Variants in MUC5AC observed in about 807,000 individuals in gnomAD.
MUC5AC encodes the protein mucin 5AC, oligomeric mucus/gel-forming.
MUC5AC carries 158 observed loss-of-function variants against 169.7 expected under a neutral mutation model. The observed-to-expected ratio is 0.93, with a 90% CI of 0.82 to 1.06. The LOEUF is 1.06. Ranked by LOEUF, MUC5AC falls within the 50% of genes least tolerant of loss-of-function variation. The pLI, the probability that MUC5AC is intolerant of heterozygous loss-of-function variation, is 0.00. For missense variants in MUC5AC, 4,359 were observed against 3,089.9 expected, an observed-to-expected ratio of 1.41 and a Z score of -9.74; for synonymous variants, 1,975 against 1,237.0, an observed-to-expected ratio of 1.60 and a Z score of -12.52.
rs202098032 is a variant in MUC5AC at position 1,192,417 on chromosome 11, G to A, written c.14272G>A (p.Ala4758Thr). 1.8e-5 allele frequency: 14 copies of A among 764,890 alleles called. No homozygotes were observed. Among genetic ancestry groups the A allele is most frequent in the South Asian group, 5.4e-5 (4 of 74,620 alleles). The allele number at this position is 764,890 out of a possible 1,614,324, so 47.4% of individuals were successfully genotyped here. A position where few individuals can be genotyped will look rare whatever the true frequency, so the allele number is the denominator to read the frequency against. The change falls in exon 31 of 49, where the codon GCC (alanine) becomes ACC (threonine). Residue 4758 changes from alanine (A) to threonine (T), a missense_variant. Coordinates refer to ENST00000621226, the MANE Select transcript of MUC5AC (RefSeq NM_001304359.2). ...YPSLSTSMVS[A>T]SVASTSVASS... ...TTCCCTGTCTACTTCCATGGTATCC[G>A]CCTCCGTGGCATCCACCTCTGTGGC...
intron 9 of MUC5AC, 91 bp from the exon 10 acceptor site, chr11:1,165,211 A>C: frequency 8.2e-6 from 10 of 1,225,990 alleles, no homozygotes; most frequent in East Asian, 2.5e-5. Context: ...CTGAGGCCCC[A>C]GCTCGCTGTG....
rs866043302 is a variant in MUC5AC at position 1,161,927 on chromosome 11, G to A, written c.232G>A (p.Gly78Arg). 7.4e-6 allele frequency: 12 copies of A among 1,611,882 alleles called. No homozygotes were observed. The highest frequency in any genetic ancestry group is 1.7e-4 in the Middle Eastern group (1 of 6,060). ...VVRASNPAHN[G>R]RVCSTWGSFH... ...CGCAGCCTCCAACCCGGCGCACAAC[G>A]GGCGGGTGTGCAGCACCTGGGGCAG... Residue 78 changes from glycine (G) to arginine (R), a missense_variant, in exon 4 of 49, where the codon GGG becomes AGG. Transcript: ENST00000621226.
chr11:1,159,311 C>T (rs1860053029), intron 1 of MUC5AC, among the ~76,000 whole-genome samples: 1 of 152,124 alleles, frequency 6.6e-6, no homozygotes, highest in Non-Finnish European at 1.5e-5. Flanking sequence ...CCCCTCTCTG[C>T]AGGTCCTGGG....
At chr11:1,199,571 G>A (rs1861370639) in intron 46 of MUC5AC, 81 bp downstream of exon 46, 2 of 692,360 alleles carry the variant, frequency 2.9e-6, no homozygotes, top group Non-Finnish European at 2.6e-6. Context: ...TCCCTGCAGC[G>A]CCAGCAGACA....
At chr11:1,167,762 T>G in intron 11 of MUC5AC, 115 bp from the exon 12 acceptor site, 7 of 834,452 alleles carry the variant, frequency 8.4e-6, no homozygotes, top group Non-Finnish European at 1.4e-5. Context: ...GGGACTGGGA[T>G]GGTGGAGTGG....
chr11:1,178,142 A>G (rs1860729796), intron 24 of MUC5AC, among the ~76,000 whole-genome samples: 1 of 152,240 alleles, frequency 6.6e-6, no homozygotes, highest in South Asian at 2.1e-4. Context: ...GGTGCCATGC[A>G]TAGGCGCCGG....
chr11:1,193,316 G>A (rs55924381), intron 32 of MUC5AC, among the ~76,000 whole-genome samples, 169 bp from the exon 33 acceptor site: 1 of 152,336 alleles, frequency 6.6e-6, no homozygotes, highest in Non-Finnish European at 1.5e-5. Context: ...CCCTGCCCGG[G>A]CCAGCTCGGT....
In MUC5AC at chr11:1,192,397, T is replaced by C. The variant is rs1861144541; in HGVS notation, c.14252T>C (p.Leu4751Pro). 1.3e-6 allele frequency: 1 copy of C among 765,160 alleles called. No homozygotes were observed. Among genetic ancestry groups the C allele is most frequent in the Non-Finnish European group, 2.4e-6 (1 of 417,908 alleles). The allele number at this position is 765,160 out of a possible 1,614,324, so 47.4% of individuals were successfully genotyped here. Residue 4751 changes from leucine (L) to proline (P), a missense_variant, in exon 31 of 49, where the codon CTG becomes CCG. Transcript: ENST00000621226. ...CCTACCAATGCTCTGTATCCTTCCC[T>C]GTCTACTTCCATGGTATCCGCCTCC... is the stretch of plus-strand genomic sequence containing the variant. ...TSPTNALYPS[L>P]STSMVSASVA...
In MUC5AC at chr11:1,179,161, G is replaced by A. The variant is rs2133748140; in HGVS notation, c.3397G>A (p.Glu1133Lys). Reference protein sequence around the residue: ...ACACDSGGDCECFCTAVAAYA... With the variant: ...ACACDSGGDCKCFCTAVAAYA... ...CGCCTGCGACTCCGGGGGTGACTGC[G>A]AGTGCTTCTGCACGGCTGTGGCCGC... is the stretch of plus-strand genomic sequence containing the variant. Residue 1133 changes from glutamate to lysine, a missense_variant, in exon 26 of 49, where the codon GAG becomes AAG. Glu to Lys is a moderately conservative substitution (Grantham distance 56). Coordinates refer to ENST00000621226, the MANE Select transcript of MUC5AC (RefSeq NM_001304359.2). 8 of 681,202 alleles carry A rather than the reference G, an allele frequency of 1.2e-5. No homozygotes were observed. Among genetic ancestry groups the A allele is most frequent in the Admixed American group, 2.1e-5 (1 of 47,658 alleles). 42.2% of individuals were successfully genotyped at this position (681,202 alleles called of 1,614,324 possible). A position where few individuals can be genotyped will look rare whatever the true frequency, so the allele number is the denominator to read the frequency against.
In MUC5AC at chr11:1,172,412, CCCT is replaced by C. The variant is rs1278259879; in HGVS notation, c.1871-12_1871-10del. 2.5e-6 allele frequency: 1 copy of C among 398,560 alleles called. No individual in the cohort carries two copies. The highest frequency in any genetic ancestry group is 2.1e-5 in the African/African-American group (1 of 48,646). The allele number at this position is 398,560 out of a possible 1,614,324, so 24.7% of individuals were successfully genotyped here. A position where few individuals can be genotyped will look rare whatever the true frequency, so the allele number is the denominator to read the frequency against. ...TGCCTGATCTTAATCCTAACCCTAT[CCCT>C]CCTCTGTCCACAGAGAAGTATGCTC... is the stretch of plus-strand genomic sequence containing the variant. On this transcript the variant is annotated splice_polypyrimidine_tract_variant and intron_variant, in intron 15 of 48. Coordinates refer to ENST00000621226, the MANE Select transcript of MUC5AC (RefSeq NM_001304359.2).
Position 1,165,333 on chromosome 11 carries a change from C to T in MUC5AC, c.1161C>T (p.Gly387=), listed in dbSNP as rs755174930. The T allele has an allele frequency of 1.9e-6, 3 of 1,612,316 alleles. No individual in the cohort carries two copies. Among genetic ancestry groups the T allele is most frequent in the South Asian group, 1.1e-5 (1 of 91,068 alleles). ...TGCTTGACGACATCGGCCAGACCGG[C>T]TGTGTCCCTGTGTCAAAGTGTGCCT... ...GTVLDDIGQT[G]CVPVSKCACV... Residue 387 remains glycine (G), a synonymous_variant, in exon 10 of 49, where the codon GGC becomes GGT. Transcript: ENST00000621226.
At chr11:1,165,094 C>T (rs1361941384) in intron 9 of MUC5AC, among the ~76,000 whole-genome samples, 27 of 150,122 alleles carry the variant, frequency 1.8e-4, no homozygotes, top group African/African-American at 6.6e-4. Flanking sequence ...GTCCTGGCCC[C>T]CTGAGGCTGG....
At chr11:1,169,834 TCACTCACC>T (rs1860446702) in intron 15 of MUC5AC, among the ~76,000 whole-genome samples, 1 of 121,120 alleles carries the variant, frequency 8.3e-6, no homozygotes, top group East Asian at 2.6e-4. Flanking sequence ...ATTCACCCAC[TCACTCACC>T]CACTCACCGA....
chr11:1,181,739 C>T (rs1374658555), intron 30 of MUC5AC, among the ~76,000 whole-genome samples: 1 of 152,210 alleles, frequency 6.6e-6, no homozygotes, highest in Non-Finnish European at 1.5e-5. Flanking sequence ...ATTGGGGTGT[C>T]AGGGGTCTGG....
At chr11:1,192,752 C>A in intron 31 of MUC5AC, 31 bp from the exon 32 acceptor site, 2 of 740,920 alleles carry the variant, frequency 2.7e-6, no homozygotes, top group Non-Finnish European at 5.0e-6. Flanking sequence ...CAGGACTCCA[C>A]TAAAGGCTGC....
rs765525538 is a variant in MUC5AC at position 1,199,093 on chromosome 11, G to C, written c.16303G>C (p.Glu5435Gln). 3 of 764,364 alleles carry C rather than the reference G, an allele frequency of 3.9e-6. No homozygotes were observed. Among genetic ancestry groups the C allele is most frequent in the Non-Finnish European group, 7.2e-6 (3 of 417,658 alleles). The allele number at this position is 764,364 out of a possible 1,614,324, so 47.3% of individuals were successfully genotyped here. A position where few individuals can be genotyped will look rare whatever the true frequency, so the allele number is the denominator to read the frequency against. ...ICNTHCPVGF[E>Q]YQEQSGQCCG... ...ATGTCCATCCCTCCCGCAGGGCTTC[G>C]AGTACCAGGAGCAGAGCGGGCAGTG... The change falls in exon 45 of 49, where the codon GAG (glutamate) becomes CAG (glutamine). Residue 5435 changes from glutamate (E) to glutamine (Q), a missense_variant. Coordinates refer to ENST00000621226, the MANE Select transcript of MUC5AC (RefSeq NM_001304359.2).
In MUC5AC at chr11:1,158,018, A is replaced by C. The variant is rs764157992; in HGVS notation, c.19A>C (p.Lys7Gln). The change falls in exon 1 of 49, where the codon AAG becomes CAG. Residue 7 changes from lysine to glutamine, a missense_variant. By Grantham distance (53) the Lys-to-Gln change is moderately conservative. Coordinates refer to ENST00000621226, the MANE Select transcript of MUC5AC (RefSeq NM_001304359.2). MSVGRRKLALLWALALA... is the reference protein window; with the variant it reads MSVGRRQLALLWALALA... Reference sequence around the variant, plus strand: ...CCACACAATGAGTGTTGGCCGGAGGAAGCTGGCCCTGCTCTGGGCCCTGGC... The same window carrying C: ...CCACACAATGAGTGTTGGCCGGAGGCAGCTGGCCCTGCTCTGGGCCCTGGC... 3.1e-6 allele frequency: 5 copies of C among 1,605,506 alleles called. No homozygotes were observed. The South Asian group carries it at 5.6e-5, about 18-fold the overall frequency.
intron 15 of MUC5AC, among the ~76,000 whole-genome samples, chr11:1,171,730 A>T (rs1288401741): frequency 7.0e-5 from 4 of 57,012 alleles, no homozygotes; most frequent in African/African-American, 2.9e-4. Flanking sequence ...TCCATTCACT[A>T]ACTCACCCAT....
Position 1,193,604 on chromosome 11 carries a change from C to T in MUC5AC, c.14700C>T (p.Tyr4900=), listed in dbSNP as rs758912063. The T allele has an allele frequency of 2.6e-6, 2 of 764,624 alleles. No individual in the cohort carries two copies. The highest frequency in any genetic ancestry group is 1.7e-5 in the Admixed American group (1 of 59,036). The allele number at this position is 764,624 out of a possible 1,614,324, so 47.4% of individuals were successfully genotyped here. A position where few individuals can be genotyped will look rare whatever the true frequency, so the allele number is the denominator to read the frequency against. Reference sequence around the variant, plus strand: ...AGAAGCCCACTTGTGCCAACGGCTACCCGGCTGTGAAGGTGGCTGACCAAG... The same window carrying T: ...AGAAGCCCACTTGTGCCAACGGCTATCCGGCTGTGAAGGTGGCTGACCAAG... ...RVEKPTCANG[Y]PAVKVADQDG... The change falls in exon 33 of 49, where the codon TAC becomes TAT. Residue 4900 remains tyrosine, a synonymous_variant. Coordinates refer to ENST00000621226, the MANE Select transcript of MUC5AC (RefSeq NM_001304359.2).
Sources: allele counts gnomAD v4.1 joint callset (sites outside exome capture counted in the v4.1 genomes callset), GRCh38; gene constraint gnomAD v4.1.1; transcripts MANE v1.5; gene names NCBI Gene and HGNC (gene_info 2026-07-23, HGNC 2026-07-21).